LIPH: variants seen among roughly 807,000 people sequenced by gnomAD.
LIPH encodes lipase member H.
A neutral mutation model predicts 47.6 loss-of-function variants in LIPH; 32 were observed. That is an observed-to-expected ratio of 0.67 (90% confidence interval 0.51 to 0.90). The LOEUF (loss-of-function observed/expected upper bound fraction) is 0.90, where lower values mean the gene tolerates loss of function less well. LIPH is among the 40% of genes least tolerant of loss of function. The pLI is 0.00. For synonymous variants in LIPH, 190 were observed against 195.6 expected (o/e 0.97, Z 0.24); for missense variants, 497 against 541.4 (o/e 0.92, Z 0.81).
chr3:185,511,667 T>C lies in LIPH; in HGVS notation c.1125A>G (p.Gln375=). The change falls in exon 9 of 10, where the codon CAA becomes CAG. Residue 375 remains glutamine, a synonymous_variant. Coordinates refer to ENST00000296252, the MANE Select transcript of LIPH (RefSeq NM_139248.3). The part of the protein sequence containing the change: ...HEPTTFQKYH[Q]VSLLARFNQD... Reference sequence around the variant, plus strand: ...GATTAAATCTTGCAAGTAGACTCACTTGGTGATATTTCTGAAATGTGGTGG... The same window carrying C: ...GATTAAATCTTGCAAGTAGACTCACCTGGTGATATTTCTGAAATGTGGTGG... The C allele has an allele frequency of 6.2e-7, 1 of 1,613,308 alleles. No individual in the cohort carries two copies. The highest frequency in any genetic ancestry group is 8.5e-7 in the Non-Finnish European group (1 of 1,179,272).
rs1577664557 is a variant in LIPH at position 185,514,276 on chromosome 3, A to G, written c.1094+134T>C. ...CAAGAACCAGGGAAGCAACTAAGCAATAGTTCCCCTTATATCTTTTATAGA... is the reference window on the plus strand; with the variant it reads ...CAAGAACCAGGGAAGCAACTAAGCAGTAGTTCCCCTTATATCTTTTATAGA... On this transcript the variant is annotated intron_variant, in intron 8 of 9. Transcript: ENST00000296252. 4 of 669,476 alleles carry G rather than the reference A, an allele frequency of 6.0e-6. No individual in the cohort carries two copies. The East Asian group carries it at 8.3e-5, about 14-fold the overall frequency. 41.5% of individuals were successfully genotyped at this position (669,476 alleles called of 1,614,324 possible).
chr3:185,533,462 G>C, intron 3 of LIPH, 109 bp downstream of exon 3: 1 of 782,420 alleles, frequency 1.3e-6, no homozygotes. Context: ...AGAGAGGTTA[G>C]GTAATTGGAG....
chr3:185,527,652 C>A, intron 3 of LIPH, 67 bp from the exon 4 acceptor site: 2 of 1,031,800 alleles, frequency 1.9e-6, no homozygotes, highest in Non-Finnish European at 3.0e-6. Flanking sequence ...GCCTTTGATC[C>A]TTCTGGATGA....
intron 5 of LIPH, among the ~76,000 whole-genome samples, chr3:185,520,825 T>C (rs999976518): frequency 3.3e-5 from 5 of 151,994 alleles, no homozygotes; most frequent in East Asian, 3.9e-4. Flanking sequence ...AACCAATCTT[T>C]CACTGTTAAA....
chr3:185,535,261 G>T, intron 1 of LIPH, 129 bp from the exon 2 acceptor site: 1 of 1,028,092 alleles, frequency 9.7e-7, no homozygotes, highest in Non-Finnish European at 1.5e-6. Flanking sequence ...GCTGGATCCA[G>T]TTGAATGAAG....
intron 4 of LIPH, 46 bp from the exon 5 acceptor site, chr3:185,524,206 T>C (rs375714385): frequency 9.0e-7 from 1 of 1,116,620 alleles, no homozygotes; most frequent in South Asian, 1.2e-5. Context: ...GAATTTTTCC[T>C]ATCTCACAGC....
At chr3:185,520,271 A>G (rs1417838349) in intron 5 of LIPH, among the ~76,000 whole-genome samples, 1 of 152,116 alleles carries the variant, frequency 6.6e-6, no homozygotes. Flanking sequence ...CTATAATCCC[A>G]GCACTTTGGG....
intron 8 of LIPH, 75 bp downstream of exon 8, chr3:185,514,332 AAGT>A: frequency 2.6e-6 from 2 of 776,826 alleles, no homozygotes; most frequent in South Asian, 2.7e-5. Context: ...ATAAATAAGA[AAGT>A]AGGTGGATTT....
At chr3:185,521,546 C>T (rs1308884399) in intron 5 of LIPH, among the ~76,000 whole-genome samples, 1 of 152,182 alleles carries the variant, frequency 6.6e-6, no homozygotes, top group Admixed American at 6.5e-5. Flanking sequence ...AGATTCCTGC[C>T]ACATTTTTCA....
At chr3:185,525,973 A>G (rs1720055448) in intron 4 of LIPH, among the ~76,000 whole-genome samples, 1 of 152,160 alleles carries the variant, frequency 6.6e-6, no homozygotes. Context: ...ATCCTCCCCA[A>G]GTTCCTACTC....
At chr3:185,514,114 G>A (rs1032680091) in intron 8 of LIPH, among the ~76,000 whole-genome samples, 16 of 152,062 alleles carry the variant, frequency 1.1e-4, no homozygotes, top group Non-Finnish European at 1.8e-4. Context: ...AAGTAAGGAG[G>A]AGAGGAACAA....
chr3:185,535,562 G>A (rs2148960029), intron 1 of LIPH, among the ~76,000 whole-genome samples: 1 of 151,806 alleles, frequency 6.6e-6, no homozygotes, highest in East Asian at 1.9e-4. Context: ...TTACAGGCCT[G>A]AGCCCACCAC....
At chr3:185,515,624 T>G (rs1041055361) in intron 7 of LIPH, among the ~76,000 whole-genome samples, 2 of 152,126 alleles carry the variant, frequency 1.3e-5, no homozygotes, top group Non-Finnish European at 2.9e-5. Flanking sequence ...TTCTCCAGCC[T>G]CAGCCTTCTA....
intron 1 of LIPH, among the ~76,000 whole-genome samples, chr3:185,547,359 C>T (rs1413795522): frequency 6.6e-6 from 1 of 152,110 alleles, no homozygotes; most frequent in African/African-American, 2.4e-5. Flanking sequence ...AGTAAAACAG[C>T]CCTGACTCAT....
In LIPH at chr3:185,540,471, A is replaced by C. The variant is rs1344919740; in HGVS notation, c.50-5339T>G. Reference sequence around the variant, plus strand: ...GGTGGCTCACTCCTGTAATCCCAGCACTTTGGGAGGCCAAGGCGGGTGGAT... The same window carrying C: ...GGTGGCTCACTCCTGTAATCCCAGCCCTTTGGGAGGCCAAGGCGGGTGGAT... On this transcript the variant is annotated intron_variant, in intron 1 of 9. Transcript: ENST00000296252. 5.9e-5 allele frequency among the ~76,000 whole-genome samples: 9 copies of C among 152,316 alleles called. No individual in the cohort carries two copies. In the South Asian group the frequency reaches 1.9e-3, roughly 32 times the overall value.
Position 185,511,713 on chromosome 3 carries a change from A to T in LIPH, c.1095-16T>A. ...GGTGGGTTCACTGGAAGGAAGAAGT[A>T]ATACTGAAAAATGGATAAAGACTAC... is the stretch of plus-strand genomic sequence containing the variant. On this transcript the variant is annotated splice_polypyrimidine_tract_variant and intron_variant, in intron 8 of 9. Coordinates refer to ENST00000296252, the MANE Select transcript of LIPH (RefSeq NM_139248.3). 3 of 1,579,154 alleles carry T rather than the reference A, an allele frequency of 1.9e-6. No individual in the cohort carries two copies. Among genetic ancestry groups the T allele is most frequent in the Non-Finnish European group, 2.6e-6 (3 of 1,148,120 alleles).
chr3:185,528,337 A>AGAAAGAAAGAAAGAAAGAAG (rs2148955483), intron 3 of LIPH, among the ~76,000 whole-genome samples: 1 of 151,568 alleles, frequency 6.6e-6, no homozygotes, highest in East Asian at 1.9e-4. Flanking sequence ...AAAGAAAGAA[A>AGAAAGAAAGAAAGAAAGAAG]GAAAGAAAGA....
chr3:185,515,307 T>A (rs73885740), intron 7 of LIPH, among the ~76,000 whole-genome samples: 2,194 of 145,928 alleles, frequency 0.015, 34 homozygotes, highest in African/African-American at 0.041. Flanking sequence ...TGGGTTTTTT[T>A]AAAAAAAAAA....
intron 3 of LIPH, among the ~76,000 whole-genome samples, chr3:185,528,222 AAGAGAGAGAGAGAGAGAGAGAG>A (rs35994579): frequency 7.1e-6 from 1 of 140,556 alleles, no homozygotes; most frequent in Non-Finnish European, 1.5e-5. Flanking sequence ...CGAAGAAAGA[AAGAGAGAGAGAGAGAGAGAGAG>A]AGAAAGAAAA....
Sources: gnomAD v4.1 joint callset for allele counts (sites outside exome capture counted in the v4.1 genomes callset) on GRCh38, gnomAD v4.1.1 for gene constraint, MANE v1.5 for transcripts, NCBI Gene and HGNC (gene_info 2026-07-23, HGNC 2026-07-21) for gene names.